The following SKAP2 variants were observed in gnomAD, a reference collection of about 807,000 sequenced individuals.
SKAP2 encodes src kinase associated phosphoprotein 2.
SKAP2 carries 28 observed loss-of-function variants against 54.9 expected under a neutral mutation model. That is an observed-to-expected ratio of 0.51 (90% CI 0.38 to 0.70). The LOEUF (loss-of-function observed/expected upper bound fraction) is 0.70, where lower values mean the gene tolerates loss of function less well. SKAP2 is among the 30% of genes least tolerant of loss of function. SKAP2 has a pLI of 0.00. For missense variants in SKAP2, 356 were observed against 424.1 expected, an observed-to-expected ratio of 0.84 and a Z score of 1.41; for synonymous variants, 137 against 134.3, an observed-to-expected ratio of 1.02 and a Z score of -0.14.
chr7:26,697,468 A>G lies in SKAP2; in HGVS notation c.797-7106T>C, dbSNP rs145961360. The stretch of plus-strand genomic sequence containing the variant: ...ATGGAGCTCCTTCTTGTCCCATTGA[A>G]TTATTCACTGTATGATAAAAATTCT... On this transcript the variant is annotated intron_variant, in intron 9 of 12. Coordinates refer to ENST00000345317, the MANE Select transcript of SKAP2 (RefSeq NM_003930.5). 1.6e-3 allele frequency among the ~76,000 whole-genome samples: 249 copies of G among 152,304 alleles called. 1 individual carries two copies. The highest frequency in any genetic ancestry group is 5.8e-3 in the African/African-American group (240 of 41,566).
At chr7:26,675,383 A>G (rs138979266) in intron 11 of SKAP2, among the ~76,000 whole-genome samples, 2,306 of 152,304 alleles carry the variant, frequency 0.015, 56 homozygotes, top group African/African-American at 0.052. Flanking sequence ...CTCAGCTGTC[A>G]TGATTTTTTC....
At chr7:26,722,892 C>G (rs1053329699) in intron 9 of SKAP2, among the ~76,000 whole-genome samples, 13 of 152,046 alleles carry the variant, frequency 8.6e-5, no homozygotes, top group Non-Finnish European at 1.9e-4. Context: ...ATTTGTATAC[C>G]TCATCTTTCA....
intron 4 of SKAP2, among the ~76,000 whole-genome samples, chr7:26,777,086 T>C (rs1419543030): frequency 2.0e-5 from 3 of 152,132 alleles, no homozygotes; most frequent in African/African-American, 7.2e-5. Context: ...CATTAATTGG[T>C]TTAATATTCA....
At chr7:26,707,653 G>T (rs1787193508) in intron 9 of SKAP2, among the ~76,000 whole-genome samples, 1 of 152,132 alleles carries the variant, frequency 6.6e-6, no homozygotes, top group African/African-American at 2.4e-5. Context: ...TGGTGGGGTT[G>T]AGGCTGGAGT....
intron 4 of SKAP2, among the ~76,000 whole-genome samples, chr7:26,741,538 CTAAATAAATAAA>C (rs370860741): frequency 1.7e-4 from 14 of 80,554 alleles, no homozygotes; most frequent in African/African-American, 3.3e-4. Context: ...GACCCTGTCT[CTAAATAAATAAA>C]TAAATAAATA....
chr7:26,836,907 G>T (rs1413371422), intron 4 of SKAP2, among the ~76,000 whole-genome samples: 1 of 152,132 alleles, frequency 6.6e-6, no homozygotes, highest in Non-Finnish European at 1.5e-5. Context: ...TCACAGCACT[G>T]TTCACAATAG....
chr7:26,730,674 G>A (rs1252876917), intron 6 of SKAP2, among the ~76,000 whole-genome samples: 1 of 152,174 alleles, frequency 6.6e-6, no homozygotes, highest in East Asian at 1.9e-4. Flanking sequence ...CTACAGAACT[G>A]AAGGCTGCCA....
At chr7:26,815,612 A>G (rs1020108104) in intron 4 of SKAP2, among the ~76,000 whole-genome samples, 1 of 152,154 alleles carries the variant, frequency 6.6e-6, no homozygotes, top group Non-Finnish European at 1.5e-5. Flanking sequence ...TTAAGTCTAC[A>G]GATTGGCAGT....
intron 4 of SKAP2, among the ~76,000 whole-genome samples, chr7:26,827,370 G>A (rs1170341717): frequency 6.6e-6 from 1 of 152,080 alleles, no homozygotes; most frequent in Non-Finnish European, 1.5e-5. Flanking sequence ...AAAACTTTCA[G>A]CACGCTCCAT....
the SKAP2 span, among the ~76,000 whole-genome samples, chr7:26,658,142 A>T: frequency 6.6e-6 from 1 of 152,178 alleles, no homozygotes; most frequent in South Asian, 2.1e-4. Flanking sequence ...CACTTAGGAA[A>T]GACGCAAACA....
In SKAP2 at chr7:26,715,407, A is replaced by G. The variant is rs151216629; in HGVS notation, c.796+10021T>C. On this transcript the variant is annotated intron_variant, in intron 9 of 12. Transcript: ENST00000345317. ...CTTTTCCTTATTTTATCCTTGAATC[A>G]TTGTAAATAATGTTGATTTTATAGC... is the stretch of plus-strand genomic sequence containing the variant. Among the ~76,000 whole-genome samples, 17 of 149,898 alleles carry G rather than the reference A, an allele frequency of 1.1e-4. No individual in the cohort carries two copies. In the East Asian group the frequency reaches 3.3e-3, roughly 29 times the overall value.
chr7:26,787,723 T>C (rs1783583349), intron 4 of SKAP2, among the ~76,000 whole-genome samples: 1 of 152,060 alleles, frequency 6.6e-6, no homozygotes, highest in South Asian at 2.1e-4. Flanking sequence ...CACACACTTA[T>C]AAACAACTAG....
intron 4 of SKAP2, among the ~76,000 whole-genome samples, chr7:26,838,188 C>G (rs1295064075): frequency 6.6e-6 from 1 of 152,158 alleles, no homozygotes; most frequent in African/African-American, 2.4e-5. Context: ...TCCCTCACTT[C>G]AGTATACTCC....
At chr7:26,826,373 T>C (rs1223172649) in intron 4 of SKAP2, among the ~76,000 whole-genome samples, 1 of 152,180 alleles carries the variant, frequency 6.6e-6, no homozygotes, top group African/African-American at 2.4e-5. Context: ...TTTGAACACC[T>C]ACCTGGATCT....
chr7:26,781,296 T>C (rs1783421306), intron 4 of SKAP2, among the ~76,000 whole-genome samples: 1 of 152,078 alleles, frequency 6.6e-6, no homozygotes, highest in Non-Finnish European at 1.5e-5. Flanking sequence ...TAATCTTTTG[T>C]GGGGTTTTTC....
intron 4 of SKAP2, among the ~76,000 whole-genome samples, chr7:26,790,451 T>C (rs1783650921): frequency 6.6e-6 from 1 of 152,180 alleles, no homozygotes; most frequent in Non-Finnish European, 1.5e-5. Context: ...TCATAAAACA[T>C]TGGTACAGGT....
At chr7:26,709,726 T>C (rs571296438) in intron 9 of SKAP2, among the ~76,000 whole-genome samples, 1 of 152,310 alleles carries the variant, frequency 6.6e-6, no homozygotes, top group South Asian at 2.1e-4. Context: ...AGATCTACTT[T>C]ACCTGTGTTA....
chr7:26,760,957 G>A (rs1782915001), intron 4 of SKAP2, among the ~76,000 whole-genome samples: 1 of 152,190 alleles, frequency 6.6e-6, no homozygotes, highest in South Asian at 2.1e-4. Flanking sequence ...AGAACTACTG[G>A]AAACTGTTCA....
intron 1 of SKAP2, among the ~76,000 whole-genome samples, chr7:26,861,066 T>C (rs1785262335): frequency 6.6e-6 from 1 of 152,094 alleles, no homozygotes; most frequent in African/African-American, 2.4e-5. Context: ...AACATCTTCT[T>C]AGAGCTTTCC....
Sources: gnomAD v4.1 joint callset for allele counts (sites outside exome capture counted in the v4.1 genomes callset) on GRCh38, gnomAD v4.1.1 for gene constraint, MANE v1.5 for transcripts, NCBI Gene and HGNC (gene_info 2026-07-23, HGNC 2026-07-21) for gene names.